Variants in LIPA observed in about 807,000 individuals in gnomAD.
LIPA encodes the protein lysosomal acid lipase/cholesteryl ester hydrolase.
In LIPA, 26 loss-of-function variants were observed where a neutral mutation model predicts 40.6. That is an observed-to-expected ratio of 0.64 (90% CI 0.47 to 0.89). The LOEUF (loss-of-function observed/expected upper bound fraction) is 0.89. Among genes scored for constraint, LIPA ranks in the 40% least tolerant of loss-of-function variants. The pLI is 0.00. For missense variants in LIPA, 455 were observed against 479.6 expected, an observed-to-expected ratio of 0.95 and a Z score of 0.48; for synonymous variants, 188 against 168.4, an observed-to-expected ratio of 1.12 and a Z score of -0.90.
chr10:89,318,091 C>T (rs79810454), intron 1 of LIPA, among the ~76,000 whole-genome samples: 78 of 152,288 alleles, frequency 5.1e-4, no homozygotes, highest in Middle Eastern at 3.4e-3. Context: ...AAGGAACAAC[C>T]GGTACCAGCC....
chr10:89,327,980 T>G, intron 1 of LIPA: 1 of 1,341,884 alleles, frequency 7.5e-7, no homozygotes, highest in Non-Finnish European at 1.1e-6. Context: ...ATATAGTTCC[T>G]TCAGTATTTA....
At chr10:89,323,546 T>C (rs1240211348) in intron 1 of LIPA, among the ~76,000 whole-genome samples, 2 of 151,958 alleles carry the variant, frequency 1.3e-5, no homozygotes, top group African/African-American at 4.8e-5. Context: ...CCCACGTCTC[T>C]ACCCAAAAGC....
At chr10:89,221,510 A>G (rs1842698046) in intron 8 of LIPA, among the ~76,000 whole-genome samples, 1 of 152,198 alleles carries the variant, frequency 6.6e-6, no homozygotes, top group African/African-American at 2.4e-5. Flanking sequence ...ATGATTTATT[A>G]AATAGTGTAC....
chr10:89,233,412 C>T (rs1311518391), intron 3 of LIPA, among the ~76,000 whole-genome samples: 1 of 152,238 alleles, frequency 6.6e-6, no homozygotes, highest in African/African-American at 2.4e-5. Context: ...GGCCACTCAG[C>T]TGTGTCCTCC....
chr10:89,235,090 C>T (rs1842888537), intron 3 of LIPA, among the ~76,000 whole-genome samples: 1 of 152,208 alleles, frequency 6.6e-6, no homozygotes, highest in African/African-American at 2.4e-5. Context: ...AGGCAGAAAG[C>T]TATTTTTGAA....
At chr10:89,344,525 G>A (rs1175176490), upstream of LIPA, among the ~76,000 whole-genome samples, 2 of 151,794 alleles carry the variant, frequency 1.3e-5, no homozygotes, top group African/African-American at 2.4e-5. Flanking sequence ...AGTAAAGCAG[G>A]GAGGAAAAAA....
intron 3 of LIPA, among the ~76,000 whole-genome samples, chr10:89,236,321 G>A (rs925722399): frequency 3.3e-5 from 5 of 152,130 alleles, no homozygotes; most frequent in South Asian, 2.1e-4. Flanking sequence ...TTTTGTAGCC[G>A]CCTCCTGTTG....
chr10:89,397,834 G>A (rs551690141), intron 2 of LIPA, among the ~76,000 whole-genome samples: 8 of 151,998 alleles, frequency 5.3e-5, no homozygotes, highest in Non-Finnish European at 1.0e-4. Context: ...CATTTTCCAC[G>A]TTTTTGTTAT....
chr10:89,368,926 TCACACACACA>T lies in LIPA; in HGVS notation c.61+43855_61+43864del, dbSNP rs3063812. Among the ~76,000 whole-genome samples the T allele has an allele frequency of 1.7e-4, 25 of 148,824 alleles. No individual in the cohort carries two copies. In the South Asian group the frequency reaches 4.7e-3, roughly 28 times the overall value. On this transcript the variant is annotated intron_variant, in intron 2 of 8. Coordinates refer to the LIPA transcript ENST00000371837. ...ACACTCACAAACACAAACACAAAAC[TCACACACACA>T]CACACACACACACACACAAATGGTT...
At chr10:89,408,040 T>C (rs1011659284) in intron 2 of LIPA, among the ~76,000 whole-genome samples, 5 of 152,170 alleles carry the variant, frequency 3.3e-5, no homozygotes, top group African/African-American at 7.2e-5. Flanking sequence ...CCAGAGACCA[T>C]TGCGGGTTCT....
intron 2 of LIPA, among the ~76,000 whole-genome samples, chr10:89,397,070 G>GAT (rs1157418529): frequency 6.6e-6 from 1 of 152,018 alleles, no homozygotes; most frequent in East Asian, 1.9e-4. Context: ...CACTTTTCTT[G>GAT]ATATATATGA....
At chr10:89,283,768 T>G (rs1843327446) in intron 1 of LIPA, 1 of 152,274 alleles carries the variant, frequency 6.6e-6, no homozygotes, top group African/African-American at 2.4e-5. Context: ...GTATCCTTCA[T>G]CAGCAGCACA....
intron 2 of LIPA, among the ~76,000 whole-genome samples, chr10:89,391,505 T>G (rs1284317998): frequency 2.6e-5 from 4 of 152,084 alleles, no homozygotes; most frequent in African/African-American, 9.7e-5. Flanking sequence ...CCTGAGCCAA[T>G]GCACCCGGAC....
At chr10:89,233,170 C>G (rs1026181224) in intron 3 of LIPA, among the ~76,000 whole-genome samples, 2 of 152,200 alleles carry the variant, frequency 1.3e-5, no homozygotes, top group South Asian at 2.1e-4. Context: ...CTACTTCAAG[C>G]TGAATACAAA....
In LIPA at chr10:89,222,429, T is replaced by G. The variant is rs1011337079; in HGVS notation, c.894+82A>C. The G allele has an allele frequency of 3.4e-6, 3 of 877,554 alleles. No individual in the cohort carries two copies. In the African/African-American group the frequency reaches 4.9e-5, roughly 14 times the overall value. 54.4% of individuals were successfully genotyped at this position (877,554 alleles called of 1,614,324 possible). A position where few individuals can be genotyped will look rare whatever the true frequency, so the allele number is the denominator to read the frequency against. On this transcript the variant is annotated intron_variant, in intron 8 of 9. Transcript: ENST00000336233. ...ATCAGATTTGTAAGCAGGTTGTCTTTCTATTTGGAAAGGGTTTGCATGCCC... is the reference window on the plus strand; with the variant it reads ...ATCAGATTTGTAAGCAGGTTGTCTTGCTATTTGGAAAGGGTTTGCATGCCC...
upstream of LIPA, among the ~76,000 whole-genome samples, chr10:89,346,430 A>G (rs1008867250): frequency 3.4e-4 from 52 of 152,354 alleles, 1 homozygote; most frequent in African/African-American, 1.3e-3. Context: ...ACCTTTGTTC[A>G]CAGTGTCATA....
intron 8 of LIPA, among the ~76,000 whole-genome samples, chr10:89,220,120 TC>T (rs1220300300): frequency 6.6e-6 from 1 of 152,018 alleles, no homozygotes; most frequent in Non-Finnish European, 1.5e-5. Flanking sequence ...GCAACACAGG[TC>T]TGTAATATAA....
chr10:89,222,405 T>C (rs746138934), intron 8 of LIPA, 106 bp downstream of exon 8: 2 of 787,950 alleles, frequency 2.5e-6, no homozygotes, highest in Non-Finnish European at 4.6e-6. Flanking sequence ...GAAAACCAGA[T>C]CAGATTTGTA....
intron 2 of LIPA, among the ~76,000 whole-genome samples, chr10:89,349,175 G>C (rs533152861): frequency 5.9e-5 from 9 of 152,284 alleles, no homozygotes; most frequent in African/African-American, 2.2e-4. Flanking sequence ...CAACCAGGAA[G>C]ATTAAACTTG....
Sources: allele counts gnomAD v4.1 joint callset (sites outside exome capture counted in the v4.1 genomes callset), GRCh38; gene constraint gnomAD v4.1.1; transcripts MANE v1.5; gene names NCBI Gene and HGNC (gene_info 2026-07-23, HGNC 2026-07-21).